Variants in GNA12 observed in about 807,000 individuals in gnomAD.
GNA12 encodes the protein guanine nucleotide-binding protein subunit alpha-12.
In GNA12, 9 loss-of-function variants were observed where a neutral mutation model predicts 26.0. The ratio of observed to expected loss-of-function variants is 0.35; its 90% confidence interval spans 0.21 to 0.60. The LOEUF (loss-of-function observed/expected upper bound fraction) is 0.60, where lower values mean the gene tolerates loss of function less well. Among genes scored for constraint, GNA12 ranks in the 20% least tolerant of loss-of-function variants. GNA12 has a pLI of 0.78. For synonymous variants in GNA12, 264 were observed against 219.6 expected, an observed-to-expected ratio of 1.20 and a Z score of -1.79; for missense variants, 405 against 525.8, an observed-to-expected ratio of 0.77 and a Z score of 2.25.
intron 2 of GNA12, among the ~76,000 whole-genome samples, chr7:2,760,020 T>C (rs1326877970): frequency 6.6e-6 from 1 of 152,250 alleles, no homozygotes; most frequent in East Asian, 1.9e-4. Context: ...CACTCAGTTT[T>C]AAAAGTATTT....
chr7:2,814,753 T>C, intron 1 of GNA12: 1 of 872,798 alleles, frequency 1.1e-6, no homozygotes, highest in Non-Finnish European at 1.8e-6. Context: ...CAGAAGTTTA[T>C]CAGCCTGTCC....
intron 1 of GNA12, among the ~76,000 whole-genome samples, chr7:2,802,589 T>C (rs1792837843): frequency 6.6e-6 from 1 of 152,176 alleles, no homozygotes; most frequent in African/African-American, 2.4e-5. Flanking sequence ...TAAGATAATA[T>C]GAGCCTTTTT....
intron 1 of GNA12, among the ~76,000 whole-genome samples, chr7:2,799,980 T>C (rs937270396): frequency 3.3e-5 from 5 of 152,210 alleles, no homozygotes; most frequent in African/African-American, 1.2e-4. Context: ...GATTTATAAC[T>C]ACTAAAAATG....
intron 1 of GNA12, among the ~76,000 whole-genome samples, chr7:2,826,317 C>T (rs1291278430): frequency 6.9e-6 from 1 of 145,744 alleles, no homozygotes; most frequent in African/African-American, 2.6e-5. Flanking sequence ...GCAGAGGTTG[C>T]AGTGAGCCGA....
chr7:2,790,545 A>G (rs1362965492), intron 2 of GNA12, among the ~76,000 whole-genome samples: 1 of 152,250 alleles, frequency 6.6e-6, no homozygotes, highest in Non-Finnish European at 1.5e-5. Flanking sequence ...CACTGAAAGA[A>G]TACCCTTCCG....
intron 1 of GNA12, among the ~76,000 whole-genome samples, chr7:2,811,876 C>A (rs532369288): frequency 1.3e-5 from 2 of 152,344 alleles, no homozygotes; most frequent in African/African-American, 4.8e-5. Context: ...CTCAAAAAGC[C>A]CCTCCCTTAA....
chr7:2,799,563 C>T (rs930404373), intron 1 of GNA12, among the ~76,000 whole-genome samples: 1 of 152,018 alleles, frequency 6.6e-6, no homozygotes, highest in Non-Finnish European at 1.5e-5. Flanking sequence ...GCCTGGGTGA[C>T]AGAGCAAGAT....
intron 2 of GNA12, among the ~76,000 whole-genome samples, chr7:2,785,370 A>G (rs1057312222): frequency 6.6e-6 from 1 of 152,208 alleles, no homozygotes; most frequent in African/African-American, 2.4e-5. Context: ...CGGTGTCAAT[A>G]TCAAATAGGA....
intron 1 of GNA12, among the ~76,000 whole-genome samples, chr7:2,803,932 A>G (rs537104632): frequency 6.6e-6 from 1 of 152,228 alleles, no homozygotes; most frequent in Non-Finnish European, 1.5e-5. Context: ...AAACTCCTGG[A>G]ATCATCTCCC....
At chr7:2,776,971 C>T (rs921572778) in intron 2 of GNA12, among the ~76,000 whole-genome samples, 1 of 152,052 alleles carries the variant, frequency 6.6e-6, no homozygotes, top group South Asian at 2.1e-4. Flanking sequence ...ATAAACCTTA[C>T]ACTGGAATTC....
At chr7:2,761,524 G>C (rs1324537344) in intron 2 of GNA12, among the ~76,000 whole-genome samples, 1 of 152,224 alleles carries the variant, frequency 6.6e-6, no homozygotes, top group African/African-American at 2.4e-5. Flanking sequence ...ACTAAAAAGA[G>C]CTGGAACGGA....
chr7:2,830,167 C>A (rs1212953473), intron 1 of GNA12, among the ~76,000 whole-genome samples: 1 of 152,222 alleles, frequency 6.6e-6, no homozygotes, highest in African/African-American at 2.4e-5. Context: ...TTTAGGGTTG[C>A]AATGGCTCTT....
Position 2,794,896 on chromosome 7 carries a change from CAGGTGCCCAGCA to C in GNA12, c.525+20_525+31del. The C allele has an allele frequency of 6.9e-7, 1 of 1,456,814 alleles. No homozygotes were observed. Among genetic ancestry groups the C allele is most frequent in the East Asian group, 2.3e-5 (1 of 44,190 alleles). The allele number at this position is 1,456,814 out of a possible 1,614,324, so 90.2% of individuals were successfully genotyped here. A position where few individuals can be genotyped will look rare whatever the true frequency, so the allele number is the denominator to read the frequency against. ...AATAGTCATGTAAAAAACACACTATCAGGTGCCCAGCAAGAAGGCCTACTCACTCACCAGCTG... is the reference window on the plus strand; with the variant it reads ...AATAGTCATGTAAAAAACACACTATCAGAAGGCCTACTCACTCACCAGCTG... On this transcript the variant is annotated intron_variant, in intron 2 of 3. Coordinates refer to ENST00000275364, the MANE Select transcript of GNA12 (RefSeq NM_007353.3).
At chr7:2,761,018 A>C (rs1175214848) in intron 2 of GNA12, among the ~76,000 whole-genome samples, 1 of 152,266 alleles carries the variant, frequency 6.6e-6, no homozygotes, top group Non-Finnish European at 1.5e-5. Context: ...GTTTTGGGAC[A>C]GCATGTTGTT....
intron 1 of GNA12, among the ~76,000 whole-genome samples, chr7:2,827,241 A>T (rs1793504176): frequency 1.3e-5 from 2 of 152,038 alleles, no homozygotes; most frequent in South Asian, 4.1e-4. Context: ...GAAGGAGGGA[A>T]TGGGGAGTCA....
intron 1 of GNA12, among the ~76,000 whole-genome samples, chr7:2,817,434 A>G (rs927587364): frequency 6.6e-6 from 1 of 152,094 alleles, no homozygotes; most frequent in African/African-American, 2.4e-5. Flanking sequence ...TTAAATGAGA[A>G]TCCTTACACA....
intron 1 of GNA12, among the ~76,000 whole-genome samples, chr7:2,829,177 G>A (rs1793547697): frequency 6.6e-6 from 1 of 152,172 alleles, no homozygotes; most frequent in African/African-American, 2.4e-5. Context: ...CGTACAAAAG[G>A]CCCTTTGCTG....
chr7:2,735,988 G>T (rs539254510), intron 2 of GNA12, among the ~76,000 whole-genome samples: 13 of 152,116 alleles, frequency 8.5e-5, no homozygotes, highest in African/African-American at 3.1e-4. Flanking sequence ...GGTGCACTGC[G>T]GTTCACCAAC....
chr7:2,800,293 G>C (rs928340762), intron 1 of GNA12, among the ~76,000 whole-genome samples: 1 of 152,238 alleles, frequency 6.6e-6, no homozygotes, highest in Admixed American at 6.5e-5. Flanking sequence ...TACAGAGATG[G>C]ACAAGAGATT....
Sources: gnomAD v4.1 joint callset for allele counts (sites outside exome capture counted in the v4.1 genomes callset) on GRCh38, gnomAD v4.1.1 for gene constraint, MANE v1.5 for transcripts, NCBI Gene and HGNC (gene_info 2026-07-23, HGNC 2026-07-21) for gene names.